The following RASSF3 variants were observed in gnomAD, a reference collection of about 807,000 sequenced individuals.
RASSF3 encodes the protein ras association domain-containing protein 3.
A neutral mutation model predicts 19.9 loss-of-function variants in RASSF3; 19 were observed. The observed-to-expected ratio is 0.96, with a 90% CI of 0.67 to 1.40. The LOEUF (loss-of-function observed/expected upper bound fraction) is 1.40. Among genes scored for constraint, RASSF3 ranks in the 40% most tolerant of loss-of-function variants. The probability of loss-of-function intolerance (pLI) is 0.00; values close to 1 mark genes in which losing one functional copy is unlikely to be tolerated. For synonymous variants in RASSF3, 110 were observed against 104.2 expected (o/e 1.06, Z -0.34); for missense variants, 306 against 289.8 (o/e 1.06, Z -0.41).
Position 64,581,106 on chromosome 12 carries a change from G to A in RASSF3, c.294+39401G>A, listed in dbSNP as rs377086977. ...ATGCAAAAATGTGTTTAACATTACTGTGGTAAAAAAAAAAAAGAGAGAGAG... is the reference window on the plus strand; with the variant it reads ...ATGCAAAAATGTGTTTAACATTACTATGGTAAAAAAAAAAAAGAGAGAGAG... On this transcript the variant is annotated intron_variant, in intron 2 of 5. Transcript: ENST00000637125. 1.8e-4 allele frequency among the ~76,000 whole-genome samples: 27 copies of A among 148,482 alleles called. 1 individual carries two copies. The East Asian group carries it at 3.1e-3, about 17-fold the overall frequency.
intron 2 of RASSF3, among the ~76,000 whole-genome samples, chr12:64,569,678 T>A (rs984170187): frequency 6.6e-6 from 1 of 152,088 alleles, no homozygotes; most frequent in African/African-American, 2.4e-5. Flanking sequence ...TAAAAATACA[T>A]CTTTAAGCTG....
At chr12:64,542,138 C>T (rs928115909), downstream of RASSF3, among the ~76,000 whole-genome samples, 1 of 151,704 alleles carries the variant, frequency 6.6e-6, no homozygotes, top group African/African-American at 2.4e-5. Flanking sequence ...CGCATCTCTA[C>T]AAAAAATAAA....
downstream of RASSF3, among the ~76,000 whole-genome samples, chr12:64,543,417 C>CCGCT (rs1868978155): frequency 1.5e-5 from 1 of 67,066 alleles, no homozygotes; most frequent in Non-Finnish European, 3.6e-5. Flanking sequence ...GTTTCCCGCC[C>CCGCT]CCCGGCTCCC....
At chr12:64,554,366 G>A (rs377679686) in intron 2 of RASSF3, among the ~76,000 whole-genome samples, 18 of 152,268 alleles carry the variant, frequency 1.2e-4, no homozygotes, top group Admixed American at 3.3e-4. Flanking sequence ...GTGCAGTGGC[G>A]CGATCTTGGC....
chr12:64,609,460 C>T (rs1870260852), upstream of RASSF3: 1 of 152,134 alleles, frequency 6.6e-6, no homozygotes, highest in Non-Finnish European at 1.5e-5. Context: ...CTAATGAAAC[C>T]TCTTCTGAAG....
intron 1 of RASSF3, among the ~76,000 whole-genome samples, chr12:64,647,326 G>T (rs1871770351): frequency 1.3e-5 from 2 of 151,900 alleles, no homozygotes; most frequent in Admixed American, 6.6e-5. Context: ...ATGGCTCACT[G>T]CAGGCTCAGC....
intron 1 of RASSF3, among the ~76,000 whole-genome samples, chr12:64,642,149 TGAC>T (rs1352859393): frequency 1.3e-5 from 2 of 152,218 alleles, no homozygotes; most frequent in African/African-American, 4.8e-5. Context: ...ATGTTCTGGT[TGAC>T]AGCTCACCTG....
Position 64,623,086 on chromosome 12 carries a change from G to A in RASSF3, c.111+12343G>A, listed in dbSNP as rs980396016. Among the ~76,000 whole-genome samples, 7 of 152,198 alleles carry A rather than the reference G, an allele frequency of 4.6e-5. No individual in the cohort carries two copies. In the East Asian group the frequency reaches 1.3e-3, roughly 29 times the overall value. Reference sequence around the variant, plus strand: ...TCCGCCTGCCTCGGCCTCCCTGAGTGCTGAGATTATAAGCATGAGCCACCG... The same window carrying A: ...TCCGCCTGCCTCGGCCTCCCTGAGTACTGAGATTATAAGCATGAGCCACCG... On this transcript the variant is annotated intron_variant, in intron 1 of 4. Coordinates refer to ENST00000542104, the MANE Select transcript of RASSF3 (RefSeq NM_178169.4).
chr12:64,682,902 G>A (rs565175849), intron 1 of RASSF3, among the ~76,000 whole-genome samples: 1 of 152,324 alleles, frequency 6.6e-6, no homozygotes, highest in Admixed American at 6.5e-5. Flanking sequence ...ATCTGATTAT[G>A]CAGCTTTTCT....
At chr12:64,599,798 T>G (rs1870057853) in intron 2 of RASSF3, among the ~76,000 whole-genome samples, 3 of 151,964 alleles carry the variant, frequency 2.0e-5, no homozygotes, top group African/African-American at 7.2e-5. Flanking sequence ...TTTGGGAGGC[T>G]GAGGCGGGTG....
chr12:64,613,563 A>T (rs1168369082), intron 1 of RASSF3, among the ~76,000 whole-genome samples: 1 of 152,168 alleles, frequency 6.6e-6, no homozygotes, highest in Non-Finnish European at 1.5e-5. Context: ...AGTAACAAAA[A>T]CCTTATAAAG....
chr12:64,668,043 C>T (rs910236055), intron 1 of RASSF3, among the ~76,000 whole-genome samples: 5 of 152,174 alleles, frequency 3.3e-5, no homozygotes, highest in Non-Finnish European at 7.4e-5. Context: ...GTTGGCCAGG[C>T]CTTGTGTTCA....
chr12:64,513,227 C>A (rs1868338758), intron 1 of RASSF3, among the ~76,000 whole-genome samples: 2 of 151,908 alleles, frequency 1.3e-5, no homozygotes, highest in Admixed American at 1.3e-4. Flanking sequence ...GGTGGATCAC[C>A]TGAGGTCAGG....
chr12:64,509,364 C>T (rs1025165408), intron 1 of RASSF3, among the ~76,000 whole-genome samples: 4 of 152,126 alleles, frequency 2.6e-5, no homozygotes, highest in African/African-American at 7.2e-5. Context: ...CCAGAAGAAT[C>T]GCTTGAGCCC....
chr12:64,675,852 G>A (rs896373775), intron 1 of RASSF3, among the ~76,000 whole-genome samples: 1 of 151,788 alleles, frequency 6.6e-6, no homozygotes, highest in African/African-American at 2.4e-5. Context: ...CTGAACTCAG[G>A]CAAAATGAAC....
chr12:64,524,438 A>G (rs1450461861), intron 1 of RASSF3, among the ~76,000 whole-genome samples: 1 of 151,764 alleles, frequency 6.6e-6, no homozygotes, highest in South Asian at 2.1e-4. Flanking sequence ...GCTTCCCCAG[A>G]GTGGTGTTTC....
intron 2 of RASSF3, among the ~76,000 whole-genome samples, chr12:64,552,423 C>T (rs1462138113): frequency 6.6e-6 from 1 of 152,054 alleles, no homozygotes; most frequent in Non-Finnish European, 1.5e-5. Flanking sequence ...AGATTTGTTA[C>T]ATAGGCAGAT....
At chr12:64,606,243 G>A (rs1452318614), upstream of RASSF3, among the ~76,000 whole-genome samples, 2 of 152,146 alleles carry the variant, frequency 1.3e-5, no homozygotes, top group South Asian at 2.1e-4. Context: ...GGACCACTAC[G>A]ACTGACTCTG....
intron 2 of RASSF3, among the ~76,000 whole-genome samples, chr12:64,572,233 G>T (rs1242488474): frequency 1.3e-5 from 2 of 151,884 alleles, no homozygotes; most frequent in Admixed American, 6.6e-5. Context: ...ATTCGGGAGA[G>T]AAATCTTTGG....
Sources: allele counts gnomAD v4.1 joint callset (sites outside exome capture counted in the v4.1 genomes callset), GRCh38; gene constraint gnomAD v4.1.1; transcripts MANE v1.5; gene names NCBI Gene and HGNC (gene_info 2026-07-23, HGNC 2026-07-21).